CNTNAP2: variants seen among roughly 807,000 people sequenced by gnomAD.
CNTNAP2 encodes contactin-associated protein-like 2.
Under a neutral mutation model 155.2 loss-of-function variants are expected in CNTNAP2, and 98 were observed. That is an observed-to-expected ratio of 0.63 (90% CI 0.54 to 0.75). CNTNAP2 has a LOEUF of 0.75. CNTNAP2 is among the 30% of genes least tolerant of loss of function. The probability of loss-of-function intolerance (pLI) is 0.00; values close to 1 mark genes in which losing one functional copy is unlikely to be tolerated. For missense variants in CNTNAP2, 1,727 were observed against 1,688.1 expected (o/e 1.02, Z -0.40); for synonymous variants, 651 against 631.2 (o/e 1.03, Z -0.47).
At chr7:147,042,725 CT>C (rs1799283783) in intron 3 of CNTNAP2, among the ~76,000 whole-genome samples, 1 of 151,982 alleles carries the variant, frequency 6.6e-6, no homozygotes, top group African/African-American at 2.4e-5. Flanking sequence ...TGTGTTGCAT[CT>C]TTTCATGATT....
At chr7:147,404,760 T>C (rs1796976929) in intron 10 of CNTNAP2, among the ~76,000 whole-genome samples, 1 of 152,184 alleles carries the variant, frequency 6.6e-6, no homozygotes, top group South Asian at 2.1e-4. Flanking sequence ...ATGGGCATCT[T>C]TCTAGCACAA....
At position 147,575,511 on chromosome 7, in the gene CNTNAP2, C is replaced by CTGTGTGTGTGTGTGTGTGTGTGTGTG. The variant is rs377290787; in HGVS notation, c.1897+13279_1897+13280insGTGTGTGTGTGTGTGTGTGTGTGTGT. Among the ~76,000 whole-genome samples, 14 of 132,674 alleles carry CTGTGTGTGTGTGTGTGTGTGTGTGTG rather than the reference C, an allele frequency of 1.1e-4. 1 individual carries two copies. In the East Asian group the frequency reaches 3.2e-3, roughly 30 times the overall value. The allele number at this position is 132,674 out of a possible 152,430, so 87.0% of individuals were successfully genotyped here. On this transcript the variant is annotated intron_variant, in intron 12 of 23. Coordinates refer to ENST00000361727, the MANE Select transcript of CNTNAP2 (RefSeq NM_014141.6). ...ATTCCCTAGCTTTAGGGGTATACAA[C>CTGTGTGTGTGTGTGTGTGTGTGTGTG]TGTGTGTGTGTGTGTGTGTGTGTGT... is the stretch of plus-strand genomic sequence containing the variant.
chr7:147,922,713 G>A (rs985473987), intron 14 of CNTNAP2, among the ~76,000 whole-genome samples: 5 of 152,136 alleles, frequency 3.3e-5, no homozygotes, highest in African/African-American at 9.7e-5. Flanking sequence ...TCCAGTTCTA[G>A]GAGTAGTTTA....
At chr7:147,767,781 A>G (rs1405690312) in intron 13 of CNTNAP2, among the ~76,000 whole-genome samples, 1 of 152,110 alleles carries the variant, frequency 6.6e-6, no homozygotes, top group African/African-American at 2.4e-5. Context: ...TTTCAGAGAA[A>G]CAAAGGCTTT....
At chr7:147,686,059 TA>T (rs367981754) in intron 13 of CNTNAP2, among the ~76,000 whole-genome samples, 7 of 151,768 alleles carry the variant, frequency 4.6e-5, no homozygotes, top group African/African-American at 1.7e-4. Flanking sequence ...ATATTCTACT[TA>T]AAAAAAATAA....
chr7:148,317,119 G>C (rs1319739981), intron 21 of CNTNAP2, among the ~76,000 whole-genome samples: 1 of 152,196 alleles, frequency 6.6e-6, no homozygotes, highest in African/African-American at 2.4e-5. Context: ...ACTTTGGGAG[G>C]CCGAGGTGGG....
At chr7:147,326,836 C>T (rs1795469783) in intron 9 of CNTNAP2, among the ~76,000 whole-genome samples, 1 of 152,120 alleles carries the variant, frequency 6.6e-6, no homozygotes, top group South Asian at 2.1e-4. Flanking sequence ...ATACTTAGCC[C>T]ATTTCACATT....
rs898141281 is a variant in CNTNAP2 at position 146,288,241 on chromosome 7, TGA to T, written c.97+171270_97+171271del. Among the ~76,000 whole-genome samples the T allele has an allele frequency of 2.1e-5, 3 of 145,446 alleles. No individual in the cohort carries two copies. In the Admixed American group the frequency reaches 2.2e-4, roughly 10 times the overall value. ...TGGACCTGGGAGGCCGAGGCTACAG[TGA>T]GCTGTGACTGAGCCACTGCACTCCA... is the stretch of plus-strand genomic sequence containing the variant. On this transcript the variant is annotated intron_variant, in intron 1 of 23. Transcript: ENST00000361727.
At chr7:147,052,696 T>C (rs1194330348) in intron 4 of CNTNAP2, among the ~76,000 whole-genome samples, 1 of 151,970 alleles carries the variant, frequency 6.6e-6, no homozygotes, top group African/African-American at 2.4e-5. Context: ...TGTATATGGA[T>C]TGCTTATCAG....
At chr7:146,300,031 G>A (rs749513341) in intron 1 of CNTNAP2, among the ~76,000 whole-genome samples, 3 of 152,102 alleles carry the variant, frequency 2.0e-5, no homozygotes, top group South Asian at 4.1e-4. Flanking sequence ...ATTGCGTTAT[G>A]CAAGAGTAAC....
At chr7:148,079,215 G>T (rs1231295621) in intron 15 of CNTNAP2, among the ~76,000 whole-genome samples, 1 of 152,162 alleles carries the variant, frequency 6.6e-6, no homozygotes, top group African/African-American at 2.4e-5. Context: ...CTACAGCTTG[G>T]TTTTATACAT....
At chr7:147,707,983 A>G (rs907472856) in intron 13 of CNTNAP2, among the ~76,000 whole-genome samples, 2 of 152,100 alleles carry the variant, frequency 1.3e-5, no homozygotes, top group African/African-American at 4.8e-5. Flanking sequence ...ATGTCTGGAC[A>G]TAGAGTGGGG....
In CNTNAP2 at chr7:147,031,197, CCTTT is replaced by C. The variant is rs1442683716; in HGVS notation, c.403-12706_403-12703del. On this transcript the variant is annotated intron_variant, in intron 3 of 23. Transcript: ENST00000361727. ...ATAGCATTTATCTAATTATTTTCAT[CCTTT>C]CTTATGGCTTGACATGAAGGATAAA... 7.9e-5 allele frequency among the ~76,000 whole-genome samples: 12 copies of C among 151,996 alleles called. No individual in the cohort carries two copies. The South Asian group carries it at 1.2e-3, about 16-fold the overall frequency.
intron 21 of CNTNAP2, among the ~76,000 whole-genome samples, chr7:148,313,514 G>A (rs62470591): frequency 0.23 from 35,014 of 151,956 alleles, 4,304 homozygotes; most frequent in Middle Eastern, 0.3. Context: ...AGCACTTGTA[G>A]CAAGCTCCCG....
intron 21 of CNTNAP2, among the ~76,000 whole-genome samples, chr7:148,291,377 G>C (rs765510736): frequency 1.3e-5 from 2 of 151,872 alleles, no homozygotes; most frequent in African/African-American, 4.8e-5. Flanking sequence ...TAGACCATCT[G>C]CAGGCTGAAG....
intron 3 of CNTNAP2, among the ~76,000 whole-genome samples, chr7:147,034,885 G>T (rs1799118224): frequency 6.6e-6 from 1 of 152,170 alleles, no homozygotes; most frequent in African/African-American, 2.4e-5. Flanking sequence ...AGGATGAAGG[G>T]TGTGGAGGGC....
At chr7:146,365,911 T>C (rs1270040945) in intron 1 of CNTNAP2, among the ~76,000 whole-genome samples, 1 of 152,226 alleles carries the variant, frequency 6.6e-6, no homozygotes, top group Non-Finnish European at 1.5e-5. Context: ...GTACTATTCC[T>C]AATTGCAGTC....
intron 8 of CNTNAP2, among the ~76,000 whole-genome samples, chr7:147,181,936 C>T (rs1204414502): frequency 6.6e-6 from 1 of 151,830 alleles, no homozygotes; most frequent in Non-Finnish European, 1.5e-5. Context: ...ACCAGCCTGA[C>T]CAACATGGTG....
intron 1 of CNTNAP2, among the ~76,000 whole-genome samples, chr7:146,249,636 C>G (rs980570442): frequency 6.6e-6 from 1 of 152,178 alleles, no homozygotes; most frequent in African/African-American, 2.4e-5. Context: ...TTGGTCCATT[C>G]AGTCCTCTCA....
Sources: gnomAD v4.1 joint callset for allele counts (sites outside exome capture counted in the v4.1 genomes callset) on GRCh38, gnomAD v4.1.1 for gene constraint, MANE v1.5 for transcripts, NCBI Gene and HGNC (gene_info 2026-07-23, HGNC 2026-07-21) for gene names.